The following ICA1 variants were observed in gnomAD, a reference collection of about 807,000 sequenced individuals.
ICA1 encodes 69 kDa islet cell autoantigen.
A neutral mutation model predicts 71.0 loss-of-function variants in ICA1; 40 were observed. The observed-to-expected ratio is 0.56, with a 90% CI of 0.44 to 0.73. The LOEUF (loss-of-function observed/expected upper bound fraction) is 0.73. Among genes scored for constraint, ICA1 ranks in the 30% least tolerant of loss-of-function variants. The probability of loss-of-function intolerance (pLI) is 0.00; values close to 1 mark genes in which losing one functional copy is unlikely to be tolerated. For synonymous variants in ICA1, 207 were observed against 209.5 expected, an observed-to-expected ratio of 0.99 and a Z score of 0.10; for missense variants, 578 against 576.5, an observed-to-expected ratio of 1.00 and a Z score of -0.03.
rs1243667643 is a variant in ICA1 at position 8,113,440 on chromosome 7, C to T, written c.*483G>A. 6.4e-6 allele frequency: 1 copy of T among 156,402 alleles called. No individual in the cohort carries two copies. The highest frequency in any genetic ancestry group is 1.4e-5 in the Non-Finnish European group (1 of 70,544). The allele number at this position is 156,402 out of a possible 1,614,324, so 9.7% of individuals were successfully genotyped here. ...GTCTTTGGTTGGCCAGAGCTTCATC[C>T]AGAGCTCACTGGAAGGTGGCTTGGC... On this transcript the variant is annotated 3_prime_UTR_variant, in exon 14 of 14. Transcript: ENST00000402384. The surrounding 1 kb of genome is among the most constrained non-coding windows in gnomAD (Gnocchi z 4.2).
rs1244205631 is a variant in ICA1 at position 8,113,883 on chromosome 7, C to G, written c.*40G>C. The G allele has an allele frequency of 6.2e-7, 1 of 1,612,132 alleles. No individual in the cohort carries two copies. The highest frequency in any genetic ancestry group is 1.3e-5 in the African/African-American group (1 of 74,910). On this transcript the variant is annotated 3_prime_UTR_variant, in exon 14 of 14. Coordinates refer to ENST00000402384, the MANE Select transcript of ICA1 (RefSeq NM_001136020.3). The surrounding 1 kb of genome is among the most constrained non-coding windows in gnomAD (Gnocchi z 4.2). The stretch of plus-strand genomic sequence containing the variant: ...CTTCTGCTAGCCCCCAGGGGAGCTG[C>G]TGGGGGCGGCATGTGAGTGCCCTCC...
chr7:8,205,124 C>T (rs1791068921), intron 6 of ICA1, among the ~76,000 whole-genome samples: 1 of 148,618 alleles, frequency 6.7e-6, no homozygotes, highest in South Asian at 2.1e-4. Context: ...CTAATTCTTT[C>T]AGCAGAGAAT....
chr7:8,147,223 T>A (rs976024268), intron 8 of ICA1, among the ~76,000 whole-genome samples: 1 of 152,056 alleles, frequency 6.6e-6, no homozygotes, highest in Non-Finnish European at 1.5e-5. Context: ...CCTCCCCTCA[T>A]AACCACACTT....
chr7:8,228,464 T>C (rs1799295277), intron 4 of ICA1, 137 bp downstream of exon 4: 3 of 491,116 alleles, frequency 6.1e-6, no homozygotes, highest in Non-Finnish European at 1.1e-5. Flanking sequence ...GGTAAAATTA[T>C]TAGAGACTCT....
chr7:8,154,852 A>G (rs1257020203), intron 8 of ICA1, among the ~76,000 whole-genome samples: 3 of 152,248 alleles, frequency 2.0e-5, no homozygotes, highest in Non-Finnish European at 4.4e-5. Flanking sequence ...ATACAAAACA[A>G]TATGCAACAT....
At chr7:8,129,177 A>G (rs903456163) in intron 12 of ICA1, among the ~76,000 whole-genome samples, 5 of 152,314 alleles carry the variant, frequency 3.3e-5, no homozygotes, top group Admixed American at 6.5e-5. Flanking sequence ...TGGTGTTATC[A>G]ACTGTGGCTT....
chr7:8,173,687 T>C lies in ICA1; in HGVS notation c.580-15035A>G, dbSNP rs910301974. ...CAGGCCTGTCTTTCCAAGGTACTATTTCATGCTCACAACAGCCTTGTTGTT... is the reference window on the plus strand; with the variant it reads ...CAGGCCTGTCTTTCCAAGGTACTATCTCATGCTCACAACAGCCTTGTTGTT... On this transcript the variant is annotated intron_variant, in intron 6 of 13. Coordinates refer to ENST00000402384, the MANE Select transcript of ICA1 (RefSeq NM_001136020.3). This position sits in a 1 kb window ranked among gnomAD's most constrained non-coding sequence, Gnocchi z 4.0. Among the ~76,000 whole-genome samples the C allele has an allele frequency of 5.9e-5, 9 of 152,218 alleles. No homozygotes were observed. The highest frequency in any genetic ancestry group is 1.0e-4 in the Non-Finnish European group (7 of 68,024).
At chr7:8,186,015 C>T (rs754699251) in intron 6 of ICA1, among the ~76,000 whole-genome samples, 12 of 152,142 alleles carry the variant, frequency 7.9e-5, no homozygotes, top group Non-Finnish European at 1.8e-4. Context: ...TCATGATACA[C>T]ATTAGGAAGT....
intron 1 of ICA1, among the ~76,000 whole-genome samples, chr7:8,237,720 T>C (rs955948043): frequency 1.3e-5 from 2 of 152,158 alleles, no homozygotes; most frequent in African/African-American, 4.8e-5. Flanking sequence ...TTATTTCACT[T>C]AGCATAATGC....
rs58143077 is a variant in ICA1 at position 8,195,542 on chromosome 7, C to CAAAACAAAAACAAAAACA, written c.579+22745_579+22762dup. 7.4e-5 allele frequency among the ~76,000 whole-genome samples: 11 copies of CAAAACAAAAACAAAAACA among 149,512 alleles called. No homozygotes were observed. In the East Asian group the frequency reaches 1.2e-3, roughly 16 times the overall value. On this transcript the variant is annotated intron_variant, in intron 6 of 13. Coordinates refer to ENST00000402384, the MANE Select transcript of ICA1 (RefSeq NM_001136020.3). ...GGGCAACAAGAGTGAAACTCTATCTCAAAACAAAAACAAAAACAAAAACAA... is the reference window on the plus strand; with the variant it reads ...GGGCAACAAGAGTGAAACTCTATCTCAAAACAAAAACAAAAACAAAAACAAAAACAAAAACAAAAACAA...
chr7:8,160,610 C>T lies in ICA1; in HGVS notation c.580-1958G>A, dbSNP rs191862564. On this transcript the variant is annotated intron_variant, in intron 6 of 13. Coordinates refer to ENST00000402384, the MANE Select transcript of ICA1 (RefSeq NM_001136020.3). ...AAATAATGAGGCAGTACATTGAACA[C>T]TACACTGATAGAAAGAATTAATACT... Among the ~76,000 whole-genome samples, 13 of 152,342 alleles carry T rather than the reference C, an allele frequency of 8.5e-5. No homozygotes were observed. The East Asian group carries it at 2.5e-3, about 29-fold the overall frequency.
At chr7:8,246,751 TC>T (rs1273042435) in intron 1 of ICA1, among the ~76,000 whole-genome samples, 1 of 152,206 alleles carries the variant, frequency 6.6e-6, no homozygotes, top group Non-Finnish European at 1.5e-5. Flanking sequence ...TGCTCATTTT[TC>T]CTTTTATTTT....
In ICA1 at chr7:8,141,685, T is replaced by C. The variant is rs551838937; in HGVS notation, c.955+80A>G. 2.3e-5 allele frequency: 20 copies of C among 871,086 alleles called. No individual in the cohort carries two copies. The East Asian group carries it at 4.6e-4, about 20-fold the overall frequency. The allele number at this position is 871,086 out of a possible 1,614,324, so 54.0% of individuals were successfully genotyped here. ...AAAAGAAGAAAGGCCTAGGAGGAGT[T>C]TGTCAAAAAGTAAAATGACTTGGCT... On this transcript the variant is annotated intron_variant, in intron 10 of 13. Coordinates refer to ENST00000402384, the MANE Select transcript of ICA1 (RefSeq NM_001136020.3).
At chr7:8,170,471 C>G (rs1447815015) in intron 6 of ICA1, among the ~76,000 whole-genome samples, 2 of 151,912 alleles carry the variant, frequency 1.3e-5, no homozygotes, top group Non-Finnish European at 2.9e-5. Flanking sequence ...AATGCATTCT[C>G]TCTCTCCATT....
At chr7:8,218,762 G>A in intron 5 of ICA1, 3 of 502,196 alleles carry the variant, frequency 6.0e-6, no homozygotes, top group Admixed American at 6.5e-5. Flanking sequence ...CCGCGTTGTT[G>A]GGGGTGGTCT....
intron 6 of ICA1, among the ~76,000 whole-genome samples, chr7:8,164,091 G>C (rs1265527249): frequency 6.6e-6 from 1 of 151,948 alleles, no homozygotes; most frequent in Non-Finnish European, 1.5e-5. Flanking sequence ...GATCACCCGA[G>C]GTCAGGAGTT....
intron 4 of ICA1, among the ~76,000 whole-genome samples, chr7:8,221,698 T>C (rs1303086908): frequency 6.6e-6 from 1 of 152,174 alleles, no homozygotes; most frequent in Non-Finnish European, 1.5e-5. Context: ...GTGTGCGGCT[T>C]CGAGCTGAAA....
chr7:8,142,002 A>G, intron 9 of ICA1, 185 bp from the exon 10 acceptor site: 1 of 1,495,034 alleles, frequency 6.7e-7, no homozygotes, highest in Non-Finnish European at 9.0e-7. Flanking sequence ...CCCTTTCTGT[A>G]GCATCTTAAT....
At chr7:8,216,936 T>C (rs79470657) in intron 6 of ICA1, among the ~76,000 whole-genome samples, 3 of 152,350 alleles carry the variant, frequency 2.0e-5, no homozygotes, top group African/African-American at 4.8e-5. Context: ...GCAATTTTTT[T>C]CACCCTCTTC....
Sources: allele counts gnomAD v4.1 joint callset (sites outside exome capture counted in the v4.1 genomes callset), GRCh38; gene constraint gnomAD v4.1.1; non-coding constraint Gnocchi (gnomAD v3.1); transcripts MANE v1.5; gene names NCBI Gene and HGNC (gene_info 2026-07-23, HGNC 2026-07-21).